Variants in LRP1B observed in about 807,000 individuals in gnomAD.
The protein encoded by LRP1B is LDL receptor related protein 1B, also known as low-density lipoprotein receptor-related protein 1B.
LRP1B carries 217 observed loss-of-function variants against 556.6 expected under a neutral mutation model. That is an observed-to-expected ratio of 0.39 (90% CI 0.35 to 0.44). The LOEUF (loss-of-function observed/expected upper bound fraction) is 0.44, where lower values mean the gene tolerates loss of function less well. Ranked by LOEUF, LRP1B falls within the 20% of genes least tolerant of loss-of-function variation. LRP1B has a pLI of 1.00. For missense variants in LRP1B, 5,053 were observed against 5,620.8 expected, an observed-to-expected ratio of 0.90 and a Z score of 3.23; for synonymous variants, 2,047 against 1,865.8, an observed-to-expected ratio of 1.10 and a Z score of -2.50.
intron 1 of LRP1B, among the ~76,000 whole-genome samples, chr2:142,031,682 C>A (rs1242654709): frequency 1.3e-5 from 2 of 151,574 alleles, no homozygotes; most frequent in South Asian, 2.1e-4. Context: ...TCCCATTTCC[C>A]GCAGCTGCCT....
chr2:141,016,673 A>G (rs1697909608), intron 12 of LRP1B, among the ~76,000 whole-genome samples: 1 of 152,096 alleles, frequency 6.6e-6, no homozygotes, highest in African/African-American at 2.4e-5. Flanking sequence ...GGGGTCTTGA[A>G]CTAATGTTCC....
In LRP1B at chr2:140,980,243, G is replaced by T. The variant is rs542078692; in HGVS notation, c.2887+1917C>A. Among the ~76,000 whole-genome samples the T allele has an allele frequency of 9.9e-5, 15 of 152,148 alleles. 1 individual carries two copies. The highest frequency in any genetic ancestry group is 3.1e-4 in the African/African-American group (13 of 41,534). The stretch of plus-strand genomic sequence containing the variant: ...ATTCCAGGGCCTCTCTGTATTTAAT[G>T]TTATTAGATTGCTTATTACCTTTTT... On this transcript the variant is annotated intron_variant, in intron 18 of 90. Coordinates refer to ENST00000389484, the MANE Select transcript of LRP1B (RefSeq NM_018557.3).
At chr2:140,640,402 TTTTTTTTTTTTG>T (rs1332801115) in intron 41 of LRP1B, among the ~76,000 whole-genome samples, 1 of 83,538 alleles carries the variant, frequency 1.2e-5, no homozygotes, top group Non-Finnish European at 2.5e-5. Context: ...TTTTTTTTTT[TTTTTTTTTTTTG>T]AGATGGCGTC....
chr2:141,464,311 T>C (rs1682074197), intron 3 of LRP1B, among the ~76,000 whole-genome samples: 2 of 152,152 alleles, frequency 1.3e-5, no homozygotes. Context: ...CACTTTGAAT[T>C]CTTCCATCTT....
chr2:140,910,052 TTTAAG>T (rs1488179790), intron 21 of LRP1B, among the ~76,000 whole-genome samples: 1 of 147,866 alleles, frequency 6.8e-6, no homozygotes, highest in African/African-American at 2.5e-5. Flanking sequence ...AAAAGCTTAT[TTTAAG>T]TTAAAAAATA....
chr2:141,229,489 A>T, intron 5 of LRP1B, 49 bp from the exon 6 acceptor site: 1 of 1,350,334 alleles, frequency 7.4e-7, no homozygotes. Context: ...AGTCAAGATT[A>T]TTTTACAGTT....
chr2:140,904,772 G>T (rs559822899), intron 22 of LRP1B, among the ~76,000 whole-genome samples: 1 of 152,112 alleles, frequency 6.6e-6, no homozygotes, highest in African/African-American at 2.4e-5. Flanking sequence ...CAAAGTATTT[G>T]CCCCATTTTA....
At chr2:140,822,843 T>A (rs1691372951) in intron 31 of LRP1B, among the ~76,000 whole-genome samples, 1 of 152,148 alleles carries the variant, frequency 6.6e-6, no homozygotes, top group African/African-American at 2.4e-5. Flanking sequence ...CAAATAAACT[T>A]GGATTTTAAA....
chr2:140,584,435 C>T (rs999803982), intron 43 of LRP1B, among the ~76,000 whole-genome samples: 2 of 151,438 alleles, frequency 1.3e-5, no homozygotes, highest in Non-Finnish European at 2.9e-5. Context: ...TGTTAGCTAT[C>T]TGTTATTTTA....
chr2:141,061,985 C>A (rs2105467724), intron 8 of LRP1B, 66 bp downstream of exon 8: 4 of 1,335,536 alleles, frequency 3.0e-6, no homozygotes, highest in Non-Finnish European at 4.3e-6. Flanking sequence ...TTCAGTATTG[C>A]AAATTTTGGT....
chr2:141,751,141 G>A (rs936149340), intron 2 of LRP1B, among the ~76,000 whole-genome samples: 1 of 151,702 alleles, frequency 6.6e-6, no homozygotes, highest in Non-Finnish European at 1.5e-5. Context: ...ATATACTGGA[G>A]GAAAAAGTTA....
chr2:141,472,475 G>A (rs1468706325), intron 3 of LRP1B, among the ~76,000 whole-genome samples: 1 of 152,150 alleles, frequency 6.6e-6, no homozygotes, highest in African/African-American at 2.4e-5. Flanking sequence ...CGGAGGTGGA[G>A]GTTGCAATGA....
intron 1 of LRP1B, among the ~76,000 whole-genome samples, chr2:141,968,797 A>G (rs1701638053): frequency 6.6e-6 from 1 of 151,652 alleles, no homozygotes; most frequent in Non-Finnish European, 1.5e-5. Context: ...TTCACCCTTA[A>G]TTGTTTGCTA....
Position 140,851,799 on chromosome 2 carries a change from G to A in LRP1B, c.4580-16C>T, listed in dbSNP as rs1692466614. 1 of 1,589,584 alleles carries A rather than the reference G, an allele frequency of 6.3e-7. No individual in the cohort carries two copies. The highest frequency in any genetic ancestry group is 8.5e-7 in the Non-Finnish European group (1 of 1,172,842). ...GGATTGGGAGCTGTAATTACACAGT[G>A]AAATATGAACAGTGAAGAAGGAAGA... On this transcript the variant is annotated splice_polypyrimidine_tract_variant and intron_variant, in intron 27 of 90. Transcript: ENST00000389484.
rs1439353000 is a variant in LRP1B, at chr2:141,505,894, C to G, written c.206-25361G>C. On this transcript the variant is annotated intron_variant, in intron 2 of 90. Transcript: ENST00000389484. ...GACATCTTATCAGCTTCAGAATATACTGATACAATTTATTGACCATTCTTT... is the reference window on the plus strand; with the variant it reads ...GACATCTTATCAGCTTCAGAATATAGTGATACAATTTATTGACCATTCTTT... 2.0e-5 allele frequency among the ~76,000 whole-genome samples: 3 copies of G among 152,154 alleles called. No individual in the cohort carries two copies. In the South Asian group the frequency reaches 6.2e-4, roughly 32 times the overall value.
intron 66 of LRP1B, among the ~76,000 whole-genome samples, chr2:140,430,428 G>A (rs910485929): frequency 3.9e-5 from 6 of 152,104 alleles, no homozygotes; most frequent in Non-Finnish European, 7.3e-5. Context: ...GCTCAAGGCC[G>A]CTTCACTTCC....
intron 2 of LRP1B, among the ~76,000 whole-genome samples, chr2:141,787,715 G>C (rs928217075): frequency 6.6e-6 from 1 of 150,826 alleles, no homozygotes; most frequent in African/African-American, 2.4e-5. Flanking sequence ...TTTTTTTACT[G>C]TACATAAATT....
chr2:141,964,647 A>C (rs1437663594), intron 1 of LRP1B, among the ~76,000 whole-genome samples: 1 of 150,490 alleles, frequency 6.6e-6, no homozygotes, highest in Non-Finnish European at 1.5e-5. Flanking sequence ...AAACCCTAGA[A>C]GAAAACCTAG....
chr2:140,846,710 A>C (rs1692283790), intron 29 of LRP1B, among the ~76,000 whole-genome samples: 2 of 152,136 alleles, frequency 1.3e-5, no homozygotes, highest in African/African-American at 4.8e-5. Context: ...CTCAAGAAGA[A>C]GCCCAATAGA....
Sources: gnomAD v4.1 joint callset for allele counts (sites outside exome capture counted in the v4.1 genomes callset) on GRCh38, gnomAD v4.1.1 for gene constraint, MANE v1.5 for transcripts, NCBI Gene and HGNC (gene_info 2026-07-23, HGNC 2026-07-21) for gene names.